The following TFPI variants were observed in gnomAD, a reference collection of about 807,000 sequenced individuals.
TFPI encodes the protein tissue factor pathway inhibitor, also known as anti-convertin.
A neutral mutation model predicts 34.6 loss-of-function variants in TFPI; 15 were observed. The ratio of observed to expected loss-of-function variants is 0.43; its 90% CI spans 0.29 to 0.67. TFPI has a LOEUF of 0.67. Among genes scored for constraint, TFPI ranks in the 30% least tolerant of loss-of-function variants. The pLI is 0.15. For synonymous variants in TFPI, 105 were observed against 120.1 expected, an observed-to-expected ratio of 0.87 and a Z score of 0.82; for missense variants, 301 against 364.0, an observed-to-expected ratio of 0.83 and a Z score of 1.41.
chr2:187,517,272 G>A (rs1242989489), intron 1 of TFPI: 7 of 152,118 alleles, frequency 4.6e-5, no homozygotes, highest in African/African-American at 1.7e-4. Flanking sequence ...GCTTTCTCTT[G>A]TGGGCATTTA....
chr2:187,481,355 A>T (rs1428232829), intron 6 of TFPI, among the ~76,000 whole-genome samples: 1 of 152,092 alleles, frequency 6.6e-6, no homozygotes, highest in East Asian at 1.9e-4. Context: ...ATATAATTGT[A>T]AGCAGTGACA....
intron 3 of TFPI, among the ~76,000 whole-genome samples, chr2:187,493,355 C>T (rs925182170): frequency 2.6e-5 from 4 of 152,122 alleles, no homozygotes; most frequent in Non-Finnish European, 4.4e-5. Context: ...AGACTGCACA[C>T]AGCATGAGGA....
chr2:187,529,717 G>GC (rs1331264948), intron 1 of TFPI, among the ~76,000 whole-genome samples: 4 of 152,180 alleles, frequency 2.6e-5, no homozygotes, highest in African/African-American at 9.7e-5. Context: ...TAACTTGGTT[G>GC]CAAGTTTGTC....
chr2:187,516,008 T>A (rs1043497453), intron 1 of TFPI: 1 of 152,146 alleles, frequency 6.6e-6, no homozygotes, highest in Non-Finnish European at 1.5e-5. Context: ...GGCCTGCCAC[T>A]TAGGCACAAG....
At chr2:187,538,659 A>C (rs1220766518) in intron 1 of TFPI, among the ~76,000 whole-genome samples, 1 of 152,194 alleles carries the variant, frequency 6.6e-6, no homozygotes, top group African/African-American at 2.4e-5. Flanking sequence ...TGGGTGCAGC[A>C]AACCACCATG....
intron 1 of TFPI, among the ~76,000 whole-genome samples, chr2:187,532,014 A>G (rs1687983940): frequency 1.3e-5 from 2 of 152,156 alleles, no homozygotes; most frequent in South Asian, 4.1e-4. Context: ...AAATATTAAA[A>G]CTGTCTTTTT....
chr2:187,515,214 G>C (rs150180922), intron 1 of TFPI: 8 of 152,174 alleles, frequency 5.3e-5, no homozygotes, highest in Admixed American at 5.2e-4. Context: ...TAACTCTTGG[G>C]CAAAACCTAA....
intron 1 of TFPI, among the ~76,000 whole-genome samples, chr2:187,510,750 C>T (rs1414711466): frequency 2.0e-5 from 3 of 152,136 alleles, no homozygotes; most frequent in Non-Finnish European, 4.4e-5. Flanking sequence ...CCCCCAGTCA[C>T]GTACCCCCTG....
At chr2:187,529,533 C>G (rs1035443227) in intron 1 of TFPI, 8 of 152,196 alleles carry the variant, frequency 5.3e-5, no homozygotes, top group African/African-American at 1.4e-4. Flanking sequence ...CTAAGGCCTT[C>G]TTTAAGGCCA....
Position 187,497,086 on chromosome 2 carries a change from G to A in TFPI, c.122-8C>T. The A allele has an allele frequency of 6.2e-7, 1 of 1,606,846 alleles. No homozygotes were observed. On this transcript the variant is annotated splice_region_variant and splice_polypyrimidine_tract_variant and intron_variant, in intron 2 of 7. Transcript: ENST00000233156. ...GTGGTGGCAACTCCGTATCTATAAA[G>A]TAAAAATAAAAGATATAACATGTAA...
chr2:187,503,819 A>G, intron 1 of TFPI, 49 bp from the exon 2 acceptor site: 1 of 1,593,568 alleles, frequency 6.3e-7, no homozygotes, highest in Non-Finnish European at 8.6e-7. Context: ...GTTAATATGC[A>G]CTCATTTACA....
At chr2:187,484,679 C>T in intron 5 of TFPI, 132 bp downstream of exon 5, 1 of 720,002 alleles carries the variant, frequency 1.4e-6, no homozygotes, top group Non-Finnish European at 2.1e-6. Flanking sequence ...ACAAATCTCA[C>T]ATTGAATGCA....
At chr2:187,536,720 G>C (rs1688278043) in intron 1 of TFPI, among the ~76,000 whole-genome samples, 1 of 151,900 alleles carries the variant, frequency 6.6e-6, no homozygotes, top group Non-Finnish European at 1.5e-5. Flanking sequence ...ACATAGTATT[G>C]GAAGTTCAGG....
intron 1 of TFPI, among the ~76,000 whole-genome samples, chr2:187,545,126 GAA>G (rs1688792344): frequency 6.6e-6 from 1 of 151,866 alleles, no homozygotes; most frequent in South Asian, 2.1e-4. Context: ...AAAGAAAAAA[GAA>G]AAAGAAAAAT....
At chr2:187,470,030 C>T (rs1691944004) in intron 6 of TFPI, among the ~76,000 whole-genome samples, 1 of 152,094 alleles carries the variant, frequency 6.6e-6, no homozygotes, top group South Asian at 2.1e-4. Context: ...AAAAGAGATG[C>T]ACTAGATGCA....
intron 3 of TFPI, among the ~76,000 whole-genome samples, chr2:187,492,776 C>CA (rs1350778771): frequency 6.6e-6 from 1 of 152,130 alleles, no homozygotes; most frequent in Non-Finnish European, 1.5e-5. Context: ...GCCTGTACCC[C>CA]CATTGTATCT....
chr2:187,547,990 T>C (rs776692406), intron 1 of TFPI, among the ~76,000 whole-genome samples: 13 of 152,126 alleles, frequency 8.5e-5, no homozygotes, highest in Non-Finnish European at 1.8e-4. Context: ...TTATAAGTGA[T>C]TTAAAATTTA....
chr2:187,539,716 A>C (rs1207508952), intron 1 of TFPI, among the ~76,000 whole-genome samples: 1 of 152,202 alleles, frequency 6.6e-6, no homozygotes, highest in African/African-American at 2.4e-5. Flanking sequence ...AAAAGGCTAG[A>C]TGTGACTTAT....
chr2:187,528,433 A>C (rs929853617), intron 1 of TFPI, among the ~76,000 whole-genome samples: 1 of 152,176 alleles, frequency 6.6e-6, no homozygotes, highest in African/African-American at 2.4e-5. Context: ...TTTTAAAAAA[A>C]GTCTTGGCTA....
Sources: gnomAD v4.1 joint callset for allele counts (sites outside exome capture counted in the v4.1 genomes callset) on GRCh38, gnomAD v4.1.1 for gene constraint, MANE v1.5 for transcripts, NCBI Gene and HGNC (gene_info 2026-07-23, HGNC 2026-07-21) for gene names.